Variants in NAALADL2 observed in about 807,000 individuals in gnomAD.
The protein encoded by NAALADL2 is inactive N-acetylated-alpha-linked acidic dipeptidase-like protein 2.
In NAALADL2, 76 loss-of-function variants were observed where a neutral mutation model predicts 87.2. The ratio of observed to expected loss-of-function variants is 0.87; its 90% confidence interval spans 0.72 to 1.05. The LOEUF (loss-of-function observed/expected upper bound fraction) is 1.05, where lower values mean the gene tolerates loss of function less well. NAALADL2 is among the 50% of genes least tolerant of loss of function. NAALADL2 has a pLI of 0.00. For missense variants in NAALADL2, 1,089 were observed against 945.8 expected (o/e 1.15, Z -1.99); for synonymous variants, 354 against 331.0 (o/e 1.07, Z -0.75).
chr3:175,213,867 T>G (rs1010292137), intron 2 of NAALADL2, among the ~76,000 whole-genome samples: 2 of 152,128 alleles, frequency 1.3e-5, no homozygotes, highest in African/African-American at 4.8e-5. Flanking sequence ...GATCCCAACA[T>G]TAGCATTTCC....
intron 2 of NAALADL2, among the ~76,000 whole-genome samples, chr3:174,720,650 GA>G (rs202056263): frequency 4.0e-5 from 6 of 151,478 alleles, no homozygotes; most frequent in South Asian, 2.1e-4. Context: ...ATGTGTAAAT[GA>G]AAAAAAAATT....
intron 1 of NAALADL2, among the ~76,000 whole-genome samples, chr3:174,499,225 T>C (rs1177741122): frequency 1.3e-5 from 2 of 152,110 alleles, no homozygotes; most frequent in Non-Finnish European, 1.5e-5. Context: ...ATGAAATGTC[T>C]GTTTAAATCT....
chr3:174,533,352 A>G (rs2108446181), intron 1 of NAALADL2, among the ~76,000 whole-genome samples: 1 of 152,098 alleles, frequency 6.6e-6, no homozygotes, highest in South Asian at 2.1e-4. Context: ...TATTCCTAAC[A>G]TAGGAAAAGA....
chr3:174,846,611 AAAAC>A (rs1392155435), intron 3 of NAALADL2, among the ~76,000 whole-genome samples: 1 of 152,210 alleles, frequency 6.6e-6, no homozygotes, highest in Admixed American at 6.5e-5. Flanking sequence ...TGACTTTTAA[AAAAC>A]AAACATATAG....
chr3:175,375,164 C>G (rs769132228), intron 5 of NAALADL2, among the ~76,000 whole-genome samples: 1 of 152,068 alleles, frequency 6.6e-6, no homozygotes, highest in Non-Finnish European at 1.5e-5. Flanking sequence ...AGCAATATAA[C>G]CAAATTGATC....
intron 12 of NAALADL2, among the ~76,000 whole-genome samples, chr3:175,753,704 G>A (rs1304456276): frequency 6.6e-6 from 1 of 152,150 alleles, no homozygotes; most frequent in Non-Finnish European, 1.5e-5. Flanking sequence ...GAAAGAATCA[G>A]TAGTTCTGGG....
chr3:174,829,444 C>A (rs2109362175), intron 3 of NAALADL2, among the ~76,000 whole-genome samples: 1 of 144,354 alleles, frequency 6.9e-6, no homozygotes, highest in Middle Eastern at 3.5e-3. Flanking sequence ...AGGACATGAA[C>A]TCATCATTTT....
At chr3:175,168,404 A>G (rs1026886912) in intron 2 of NAALADL2, among the ~76,000 whole-genome samples, 1 of 151,828 alleles carries the variant, frequency 6.6e-6, no homozygotes, top group Admixed American at 6.6e-5. Flanking sequence ...CTTTTCTGGC[A>G]TGTTAGCATG....
intron 1 of NAALADL2, among the ~76,000 whole-genome samples, chr3:174,547,558 T>C (rs974659796): frequency 2.6e-4 from 40 of 152,010 alleles, no homozygotes; most frequent in African/African-American, 8.7e-4. Context: ...TAAGGAATAA[T>C]AATAATAATG....
chr3:175,199,682 C>A (rs1169304768), intron 2 of NAALADL2, among the ~76,000 whole-genome samples: 1 of 150,514 alleles, frequency 6.6e-6, no homozygotes, highest in East Asian at 2.0e-4. Context: ...TCCCTGGCCT[C>A]CCTGTTTGGC....
At chr3:175,443,029 T>C (rs1212672700) in intron 5 of NAALADL2, among the ~76,000 whole-genome samples, 1 of 152,200 alleles carries the variant, frequency 6.6e-6, no homozygotes, top group East Asian at 1.9e-4. Context: ...CTCTTAATAA[T>C]GTAAGAAGAT....
chr3:175,231,501 T>C (rs981834980), intron 2 of NAALADL2, among the ~76,000 whole-genome samples: 4 of 152,084 alleles, frequency 2.6e-5, no homozygotes, highest in Non-Finnish European at 5.9e-5. Flanking sequence ...TCCTCCACAA[T>C]TGGGAAAAAT....
At chr3:174,485,579 A>G (rs559277519) in intron 1 of NAALADL2, among the ~76,000 whole-genome samples, 1 of 151,950 alleles carries the variant, frequency 6.6e-6, no homozygotes, top group South Asian at 2.1e-4. Context: ...TTAGTTTGTT[A>G]AAGATAATGA....
At chr3:175,511,164 G>A (rs951019034) in intron 9 of NAALADL2, among the ~76,000 whole-genome samples, 1 of 152,114 alleles carries the variant, frequency 6.6e-6, no homozygotes, top group African/African-American at 2.4e-5. Context: ...TGCAGTGGTC[G>A]TTCCTAGATA....
intron 1 of NAALADL2, among the ~76,000 whole-genome samples, chr3:175,003,043 C>T (rs1392759064): frequency 1.3e-5 from 2 of 152,164 alleles, no homozygotes; most frequent in Non-Finnish European, 2.9e-5. Context: ...TTGTATTAGT[C>T]ACCAGTGCTC....
chr3:174,803,590 T>G (rs1230156613), intron 3 of NAALADL2, among the ~76,000 whole-genome samples: 1 of 149,662 alleles, frequency 6.7e-6, no homozygotes, highest in Non-Finnish European at 1.5e-5. Flanking sequence ...TTCTAGGGTT[T>G]TTATGGTCTT....
chr3:174,780,733 A>C (rs1715861293), intron 3 of NAALADL2, among the ~76,000 whole-genome samples: 1 of 151,930 alleles, frequency 6.6e-6, no homozygotes. Flanking sequence ...GCACCTGTTG[A>C]GATAATCATG....
intron 1 of NAALADL2, among the ~76,000 whole-genome samples, chr3:174,458,874 C>G (rs1415771855): frequency 6.6e-6 from 1 of 152,132 alleles, no homozygotes; most frequent in Non-Finnish European, 1.5e-5. Context: ...CTCAGGATTG[C>G]TTCCTAATTT....
At chr3:174,626,200 C>T (rs1055296006) in intron 2 of NAALADL2, among the ~76,000 whole-genome samples, 5 of 148,748 alleles carry the variant, frequency 3.4e-5, no homozygotes, top group African/African-American at 1.2e-4. Context: ...AATGAGATTT[C>T]GGGTCAAAGG....
Sources: allele counts gnomAD v4.1 joint callset (sites outside exome capture counted in the v4.1 genomes callset), GRCh38; gene constraint gnomAD v4.1.1; transcripts MANE v1.5; gene names NCBI Gene and HGNC (gene_info 2026-07-23, HGNC 2026-07-21).